AFF2: variants seen among roughly 807,000 people sequenced by gnomAD.
The protein encoded by AFF2 is ALF transcription elongation factor 2.
A neutral mutation model predicts 76.9 loss-of-function variants in AFF2; 14 were observed. The ratio of observed to expected loss-of-function variants is 0.18; its 90% CI spans 0.12 to 0.28. The LOEUF is 0.28. Ranked by LOEUF, AFF2 falls within the 10% of genes least tolerant of loss-of-function variation. The pLI, the probability that AFF2 is intolerant of heterozygous loss-of-function variation, is 1.00. For synonymous variants in AFF2, 398 were observed against 366.7 expected (o/e 1.09, Z -0.98); for missense variants, 868 against 1,001.1 (o/e 0.87, Z 1.79).
intron 3 of AFF2, among the ~76,000 whole-genome samples, chrX:148,723,195 GGGCT>G (rs1443020746): frequency 4.5e-5 from 5 of 111,910 alleles, no homozygotes; most frequent in African/African-American, 1.6e-4. Flanking sequence ...AAATGTTCAT[GGGCT>G]GGACAGTAGA....
chrX:148,970,755 C>G (rs1557289420), intron 15 of AFF2, among the ~76,000 whole-genome samples: 1 of 111,714 alleles, frequency 9.0e-6, no homozygotes, highest in African/African-American at 3.3e-5. Context: ...GGATTATTGT[C>G]AACAGTCATA....
intron 8 of AFF2, 28 bp downstream of exon 8, chrX:148,886,013 G>A: frequency 9.1e-7 from 1 of 1,095,099 alleles, no homozygotes; most frequent in Non-Finnish European, 1.3e-6. Context: ...CTTTGTTTTG[G>A]GATGAAGGGG....
chrX:148,783,581 T>C (rs1557269252), intron 3 of AFF2, among the ~76,000 whole-genome samples: 1 of 111,876 alleles, frequency 8.9e-6, no homozygotes, highest in Admixed American at 9.5e-5. Flanking sequence ...ACTCTGTCAG[T>C]TCCAAACATC....
chrX:148,565,728 A>C (rs1557241551), intron 1 of AFF2, among the ~76,000 whole-genome samples: 1 of 110,830 alleles, frequency 9.0e-6, no homozygotes, highest in Non-Finnish European at 1.9e-5. Flanking sequence ...CAACTGAAGA[A>C]TTGGGTCCTA....
At chrX:148,968,986 C>A (rs1436203998) in intron 15 of AFF2, among the ~76,000 whole-genome samples, 1 of 112,508 alleles carries the variant, frequency 8.9e-6, no homozygotes, top group Non-Finnish European at 1.9e-5. Flanking sequence ...CTAGGGTTTG[C>A]CATCTGTCAA....
At chrX:148,899,875 G>C (rs1417527823) in intron 8 of AFF2, among the ~76,000 whole-genome samples, 1 of 110,455 alleles carries the variant, frequency 9.1e-6, no homozygotes, top group African/African-American at 3.3e-5. Flanking sequence ...GTAAAAGGAG[G>C]GGGATAATGT....
At chrX:148,530,830 G>A (rs2052721339) in intron 1 of AFF2, among the ~76,000 whole-genome samples, 1 of 111,593 alleles carries the variant, frequency 9.0e-6, no homozygotes, top group Non-Finnish European at 1.9e-5. Context: ...GACTATTCTT[G>A]AGAGAGAATT....
At chrX:148,902,661 G>T (rs2071366599) in intron 8 of AFF2, among the ~76,000 whole-genome samples, 1 of 111,478 alleles carries the variant, frequency 9.0e-6, no homozygotes, top group Admixed American at 9.5e-5. Context: ...GACAGCAAAT[G>T]GACAAGTTTT....
At chrX:148,673,780 A>G (rs1435591546) in intron 3 of AFF2, among the ~76,000 whole-genome samples, 1 of 111,771 alleles carries the variant, frequency 8.9e-6, no homozygotes, top group Non-Finnish European at 1.9e-5. Context: ...CTCAGAACTG[A>G]CTTCAGGTTT....
chrX:148,681,735 A>G (rs1557259981), intron 3 of AFF2, among the ~76,000 whole-genome samples: 2 of 111,275 alleles, frequency 1.8e-5, no homozygotes, highest in African/African-American at 6.5e-5. Context: ...AAAGAAAGAA[A>G]GAAGAAAGAA....
intron 3 of AFF2, among the ~76,000 whole-genome samples, chrX:148,675,679 T>C (rs2124483267): frequency 9.1e-6 from 1 of 109,483 alleles, no homozygotes; most frequent in East Asian, 2.9e-4. Context: ...AATGCCTTCC[T>C]TGTGCATCTG....
intron 10 of AFF2, among the ~76,000 whole-genome samples, chrX:148,954,695 A>G (rs1035453567): frequency 8.9e-6 from 1 of 112,273 alleles, no homozygotes; most frequent in South Asian, 3.7e-4. Context: ...ACCCTGGTCC[A>G]TGTGTATCCA....
chrX:148,982,239 A>T (rs1484846506), intron 19 of AFF2, among the ~76,000 whole-genome samples: 2 of 112,701 alleles, frequency 1.8e-5, no homozygotes, highest in Non-Finnish European at 3.7e-5. Context: ...TTGCATGAAG[A>T]AAGCACATTC....
rs1204052092 is a variant in AFF2 at position 148,652,212 on chromosome X, C to T, written c.180+81C>T. 1.6e-5 allele frequency: 12 copies of T among 733,874 alleles called. No individual in the cohort carries two copies. In the East Asian group the frequency reaches 2.3e-4, roughly 14 times the overall value. The allele number at this position is 733,874 out of a possible 1,213,427, so 60.5% of individuals were successfully genotyped here. A position where few individuals can be genotyped will look rare whatever the true frequency, so the allele number is the denominator to read the frequency against. ...ATCAACATTTAATTTATGTTTAAAG[C>T]ACCCAACTCATTTCCAGGGGAATAT... On this transcript the variant is annotated intron_variant, in intron 2 of 20. Coordinates refer to ENST00000370460, the MANE Select transcript of AFF2 (RefSeq NM_002025.4).
At chrX:148,866,941 G>A (rs2070914420) in intron 7 of AFF2, among the ~76,000 whole-genome samples, 1 of 111,852 alleles carries the variant, frequency 8.9e-6, no homozygotes, top group African/African-American at 3.3e-5. Flanking sequence ...CGAGGGATTC[G>A]ATATCCAGAA....
At chrX:148,783,969 G>A (rs1166292682) in intron 3 of AFF2, among the ~76,000 whole-genome samples, 1 of 111,782 alleles carries the variant, frequency 8.9e-6, no homozygotes, top group Non-Finnish European at 1.9e-5. Context: ...CAGCACAATT[G>A]AGCTGCTGCC....
At chrX:148,516,730 G>A (rs1410284986) in intron 1 of AFF2, among the ~76,000 whole-genome samples, 2 of 111,746 alleles carry the variant, frequency 1.8e-5, no homozygotes, top group Non-Finnish European at 3.8e-5. Flanking sequence ...GTAGAGCTGG[G>A]ATTTGAACCC....
At chrX:148,736,921 G>A (rs1199370751) in intron 3 of AFF2, among the ~76,000 whole-genome samples, 3 of 111,031 alleles carry the variant, frequency 2.7e-5, no homozygotes, top group African/African-American at 3.3e-5. Flanking sequence ...GATCAGTTGG[G>A]TGTAAGTATT....
chrX:148,987,396 A>G lies in AFF2; in HGVS notation c.3653A>G (p.Asn1218Ser). The change falls in exon 20 of 21, where the codon AAC (asparagine) becomes AGC (serine). Residue 1218 changes from asparagine (N) to serine (S), a missense_variant. Transcript: ENST00000370460. ...KNTPSPVSLN[N>S]VSPINAMGNC... ...ACTCCATCCCCAGTGTCTCTCAACA[A>G]CGTCTCCCCCATCAACGCAATGGGG... 1.7e-6 allele frequency: 2 copies of G among 1,210,179 alleles called. No individual in the cohort carries two copies. The highest frequency in any genetic ancestry group is 2.2e-6 in the Non-Finnish European group (2 of 894,843).
Sources: gnomAD v4.1 joint callset for allele counts (sites outside exome capture counted in the v4.1 genomes callset) on GRCh38, gnomAD v4.1.1 for gene constraint, MANE v1.5 for transcripts, NCBI Gene and HGNC (gene_info 2026-07-23, HGNC 2026-07-21) for gene names.